The following SEC24D variants were observed in gnomAD, a reference collection of about 807,000 sequenced individuals.
SEC24D encodes the protein SEC24 homolog D, COPII component.
SEC24D carries 69 observed loss-of-function variants against 116.9 expected under a neutral mutation model. That is an observed-to-expected ratio of 0.59 (90% CI 0.49 to 0.72). The LOEUF (loss-of-function observed/expected upper bound fraction) is 0.72. Ranked by LOEUF, SEC24D falls within the 30% of genes least tolerant of loss-of-function variation. The probability of loss-of-function intolerance (pLI) is 0.00; values close to 1 mark genes in which losing one functional copy is unlikely to be tolerated. For synonymous variants in SEC24D, 405 were observed against 442.8 expected, an observed-to-expected ratio of 0.91 and a Z score of 1.07; for missense variants, 1,131 against 1,264.1, an observed-to-expected ratio of 0.89 and a Z score of 1.60.
rs1457095749 is a variant in SEC24D, at chr4:118,728,499, G to A, written c.2958+62C>T. ...CGTCATAAAAATATAGGGTGTGCAT[G>A]TTAAGTCTTTAATGAAATTTTTAAC... On this transcript the variant is annotated intron_variant, in intron 22 of 22. Transcript: ENST00000280551. 4 of 979,932 alleles carry A rather than the reference G, an allele frequency of 4.1e-6. No homozygotes were observed. The African/African-American group carries it at 6.5e-5, about 16-fold the overall frequency. The allele number at this position is 979,932 out of a possible 1,614,324, so 60.7% of individuals were successfully genotyped here.
At chr4:118,761,300 A>T (rs1727368901) in intron 10 of SEC24D, among the ~76,000 whole-genome samples, 1 of 152,176 alleles carries the variant, frequency 6.6e-6, no homozygotes, top group African/African-American at 2.4e-5. Flanking sequence ...GAATGAATGG[A>T]ACAACTCCAC....
chr4:118,730,006 TTTTAAC>T (rs1487661967), intron 21 of SEC24D: 8 of 152,216 alleles, frequency 5.3e-5, no homozygotes, highest in African/African-American at 1.9e-4. Context: ...TACATTTGGT[TTTTAAC>T]TTTGTTTCAT....
chr4:118,792,593 C>T (rs1350483752), intron 8 of SEC24D, among the ~76,000 whole-genome samples: 1 of 152,238 alleles, frequency 6.6e-6, no homozygotes, highest in South Asian at 2.1e-4. Context: ...AACCTTATCC[C>T]CAACCCCGTG....
intron 7 of SEC24D, among the ~76,000 whole-genome samples, chr4:118,800,023 A>G (rs1729361090): frequency 6.6e-6 from 1 of 152,134 alleles, no homozygotes; most frequent in African/African-American, 2.4e-5. Flanking sequence ...TACTGTGGAA[A>G]TATACTTGAG....
In SEC24D at chr4:118,741,032, G is replaced by A; in HGVS notation, c.2001C>T (p.His667=). ...CGTTCAAAAATTGTTGTCTATCCAA[G>A]TGCATCTAAAAAATAAAAGTCTAAT... The part of the protein sequence containing the change: ...TLYKYNNFQM[H]LDRQQFLNDL... Residue 667 remains histidine (H), a synonymous_variant, in exon 16 of 23, where the codon CAC becomes CAT. Coordinates refer to ENST00000280551, the MANE Select transcript of SEC24D (RefSeq NM_014822.4). The A allele has an allele frequency of 6.4e-7, 1 of 1,557,988 alleles. No individual in the cohort carries two copies. Among genetic ancestry groups the A allele is most frequent in the Non-Finnish European group, 8.7e-7 (1 of 1,146,506 alleles).
chr4:118,790,500 G>T (rs1302071884), intron 8 of SEC24D, among the ~76,000 whole-genome samples: 5 of 152,004 alleles, frequency 3.3e-5, no homozygotes, highest in African/African-American at 1.2e-4. Flanking sequence ...AAACAAAAGG[G>T]TTTACAGCAT....
Position 118,761,491 on chromosome 4 carries a change from G to C in SEC24D, c.1296+3311C>G, listed in dbSNP as rs117901252. Among the ~76,000 whole-genome samples the C allele has an allele frequency of 3.3e-4, 51 of 152,288 alleles. No homozygotes were observed. In the East Asian group the frequency reaches 9.3e-3, roughly 28 times the overall value. On this transcript the variant is annotated intron_variant, in intron 10 of 22. Transcript: ENST00000280551. ...GACTGCGTCTCAAAACAATGTCCCA[G>C]CTTTACTTCCCATTATTCCCAATAC...
At chr4:118,738,539 G>T (rs548110650) in intron 18 of SEC24D, among the ~76,000 whole-genome samples, 160 bp from the exon 19 acceptor site, 1 of 152,266 alleles carries the variant, frequency 6.6e-6, no homozygotes, top group South Asian at 2.1e-4. Flanking sequence ...GTCTCCTCTT[G>T]ACTAAATATG....
intron 4 of SEC24D, among the ~76,000 whole-genome samples, chr4:118,816,555 C>T (rs1285786184): frequency 1.3e-5 from 2 of 152,186 alleles, no homozygotes; most frequent in East Asian, 3.8e-4. Context: ...ATTATGTTTT[C>T]CTTTCTCTGA....
In SEC24D at chr4:118,739,181, G is replaced by C; in HGVS notation, c.2345C>G (p.Thr782Arg). The change falls in exon 18 of 23, where the codon ACA (threonine) becomes AGA (arginine). Residue 782 changes from threonine to arginine, a missense_variant. By Grantham distance (71) the Thr-to-Arg change is moderately conservative (BLOSUM62 -1). Transcript: ENST00000280551. ...QLADLYKSCETDALINFFAKS... is the reference protein window; with the variant it reads ...QLADLYKSCERDALINFFAKS... ...GGCAAAGAAGTTGATAAGAGCATCT[G>C]TCTCACAGCTCTTATAAAGATCAGC... 1 of 1,613,430 alleles carries C rather than the reference G, an allele frequency of 6.2e-7. No individual in the cohort carries two copies. Among genetic ancestry groups the C allele is most frequent in the Non-Finnish European group, 8.5e-7 (1 of 1,179,502 alleles).
At chr4:118,825,751 T>G in intron 2 of SEC24D, 1 of 374,126 alleles carries the variant, frequency 2.7e-6, no homozygotes, top group Non-Finnish European at 5.1e-6. Context: ...TTTTCCCTCA[T>G]TTGATTTACT....
At chr4:118,800,553 G>A (rs1007688742) in intron 7 of SEC24D, among the ~76,000 whole-genome samples, 10 of 152,160 alleles carry the variant, frequency 6.6e-5, no homozygotes, top group African/African-American at 2.4e-4. Flanking sequence ...AAATTACTGT[G>A]TAGGACAAAT....
At chr4:118,750,007 TTTAGATA>T (rs1418970191) in intron 13 of SEC24D, among the ~76,000 whole-genome samples, 2 of 152,248 alleles carry the variant, frequency 1.3e-5, no homozygotes, top group African/African-American at 2.4e-5. Flanking sequence ...TTGTTATATA[TTTAGATA>T]TTAGTTTCTT....
At chr4:118,780,810 T>C (rs1241338999) in intron 8 of SEC24D, among the ~76,000 whole-genome samples, 1 of 152,194 alleles carries the variant, frequency 6.6e-6, no homozygotes, top group Non-Finnish European at 1.5e-5. Flanking sequence ...GGTCTTCTTG[T>C]TGAATTGATC....
At chr4:118,829,883 C>T (rs148412929) in intron 2 of SEC24D, among the ~76,000 whole-genome samples, 30 of 151,870 alleles carry the variant, frequency 2.0e-4, no homozygotes, top group Admixed American at 1.5e-3. Flanking sequence ...AATGGAGATA[C>T]GATAATGTGA....
intron 7 of SEC24D, among the ~76,000 whole-genome samples, chr4:118,804,929 CA>C (rs1729610677): frequency 6.7e-6 from 1 of 148,782 alleles, no homozygotes; most frequent in Non-Finnish European, 1.5e-5. Flanking sequence ...CACACATATA[CA>C]AAGACTCATG....
At chr4:118,729,783 T>A (rs575254144) in intron 21 of SEC24D, 1 of 152,342 alleles carries the variant, frequency 6.6e-6, no homozygotes, top group South Asian at 2.1e-4. Flanking sequence ...AGTTAGAATG[T>A]TTCACCATAA....
At chr4:118,758,653 C>A (rs141703092) in intron 10 of SEC24D, 2 of 152,128 alleles carry the variant, frequency 1.3e-5, no homozygotes, top group African/African-American at 4.8e-5. Flanking sequence ...AGAATTTAGA[C>A]CAACTTAATT....
chr4:118,803,010 T>C (rs1729513590), intron 7 of SEC24D, among the ~76,000 whole-genome samples: 1 of 152,184 alleles, frequency 6.6e-6, no homozygotes, highest in African/African-American at 2.4e-5. Flanking sequence ...AAATATTGTA[T>C]GATTCTCTCA....
Sources: allele counts gnomAD v4.1 joint callset (sites outside exome capture counted in the v4.1 genomes callset), GRCh38; gene constraint gnomAD v4.1.1; transcripts MANE v1.5; gene names NCBI Gene and HGNC (gene_info 2026-07-23, HGNC 2026-07-21).